The following MAST4 variants were observed in gnomAD, a reference collection of about 807,000 sequenced individuals.
MAST4 encodes the protein microtubule associated serine/threonine kinase family member 4, also known as microtubule-associated serine/threonine-protein kinase 4.
MAST4 carries 89 observed loss-of-function variants against 162.7 expected under a neutral mutation model. The observed-to-expected ratio is 0.55, with a 90% CI of 0.46 to 0.65. The LOEUF (loss-of-function observed/expected upper bound fraction) is 0.65, where lower values mean the gene tolerates loss of function less well. MAST4 is among the 30% of genes least tolerant of loss of function. The pLI is 0.00. For missense variants in MAST4, 3,153 were observed against 3,374.0 expected (o/e 0.93, Z 1.62); for synonymous variants, 1,479 against 1,361.1 (o/e 1.09, Z -1.91).
chr5:67,049,514 G>A (rs769178165), intron 4 of MAST4, among the ~76,000 whole-genome samples: 6 of 152,054 alleles, frequency 3.9e-5, no homozygotes, highest in African/African-American at 7.2e-5. Flanking sequence ...TTCTCTAAAG[G>A]TGTGAGGAAA....
At chr5:67,074,969 C>G (rs1405713696) in intron 5 of MAST4, among the ~76,000 whole-genome samples, 4 of 152,144 alleles carry the variant, frequency 2.6e-5, no homozygotes, top group African/African-American at 9.7e-5. Context: ...CAGTCTAAAA[C>G]AGTTAAACAG....
chr5:67,134,602 T>C lies in MAST4; in HGVS notation c.2306T>C (p.Met769Thr). ...GYGKPVDWWA[M>T]GIILYEFLVG... ...GGAAAGCCGGTGGACTGGTGGGCCA[T>C]GGGGATTATCCTCTATGAATTTCTG... Residue 769 changes from methionine to threonine, a missense_variant, in exon 18 of 29, where the codon ATG (methionine) becomes ACG (threonine). Met to Thr is a moderately conservative substitution (Grantham distance 81). Around this residue, in one of 7 missense-constraint regions of MAST4, gnomAD observed 131 missense variants for 253.8 expected, o/e 0.52. Coordinates refer to ENST00000403625, the MANE Select transcript of MAST4 (RefSeq NM_001164664.2). The C allele has an allele frequency of 1.2e-6, 2 of 1,613,708 alleles. No individual in the cohort carries two copies. Among genetic ancestry groups the C allele is most frequent in the East Asian group, 2.2e-5 (1 of 44,874 alleles).
chr5:67,004,265 G>C (rs1428960169), intron 4 of MAST4, among the ~76,000 whole-genome samples: 1 of 152,078 alleles, frequency 6.6e-6, no homozygotes, highest in Non-Finnish European at 1.5e-5. Flanking sequence ...GGGGCTGGTG[G>C]GGGGTGGGGG....
intron 4 of MAST4, among the ~76,000 whole-genome samples, chr5:66,907,073 C>T (rs568417615): frequency 1.3e-5 from 2 of 151,088 alleles, no homozygotes; most frequent in Admixed American, 6.6e-5. Flanking sequence ...ATCACACGAC[C>T]AGGAAAGATT....
At chr5:67,101,203 C>G (rs1764990595) in intron 8 of MAST4, among the ~76,000 whole-genome samples, 1 of 152,164 alleles carries the variant, frequency 6.6e-6, no homozygotes, top group South Asian at 2.1e-4. Flanking sequence ...GAAATTAGCA[C>G]CTGTGGGAGG....
chr5:67,085,413 T>A (rs1409465541), intron 5 of MAST4, among the ~76,000 whole-genome samples: 1 of 152,210 alleles, frequency 6.6e-6, no homozygotes, highest in Admixed American at 6.5e-5. Flanking sequence ...AGGCTCTTTC[T>A]AAAACGTAAA....
intron 4 of MAST4, among the ~76,000 whole-genome samples, chr5:66,901,853 T>C (rs1302958889): frequency 8.5e-5 from 13 of 152,136 alleles, no homozygotes; most frequent in Non-Finnish European, 1.5e-5. Context: ...CTCAGCATTT[T>C]TAGTGAATAC....
At chr5:67,098,567 A>T (rs1764694108) in intron 7 of MAST4, among the ~76,000 whole-genome samples, 1 of 152,180 alleles carries the variant, frequency 6.6e-6, no homozygotes, top group Admixed American at 6.5e-5. Context: ...TAAAAAGTAG[A>T]AACTTGTATG....
intron 8 of MAST4, among the ~76,000 whole-genome samples, chr5:67,101,040 A>C (rs1374112855): frequency 6.6e-6 from 1 of 152,170 alleles, no homozygotes; most frequent in Admixed American, 6.5e-5. Context: ...CTGTGAACAC[A>C]TTTTTAGGAG....
At chr5:66,942,027 A>G (rs1743426416) in intron 4 of MAST4, among the ~76,000 whole-genome samples, 1 of 152,158 alleles carries the variant, frequency 6.6e-6, no homozygotes, top group African/African-American at 2.4e-5. Context: ...ATCATTGATC[A>G]TAGATTATCA....
intron 23 of MAST4, among the ~76,000 whole-genome samples, chr5:67,146,186 G>A (rs1771062031): frequency 6.6e-6 from 1 of 152,186 alleles, no homozygotes; most frequent in Non-Finnish European, 1.5e-5. Flanking sequence ...GGGGGCTTGG[G>A]CCTTTGAAAG....
chr5:66,804,147 C>G (rs1311576815), intron 3 of MAST4, among the ~76,000 whole-genome samples: 1 of 152,042 alleles, frequency 6.6e-6, no homozygotes, highest in Non-Finnish European at 1.5e-5. Flanking sequence ...TAGGATTTTT[C>G]TGTGTTTACA....
intron 12 of MAST4, among the ~76,000 whole-genome samples, chr5:67,115,333 A>C (rs1766768762): frequency 6.6e-6 from 1 of 152,210 alleles, no homozygotes; most frequent in Non-Finnish European, 1.5e-5. Context: ...TTATCTTGTT[A>C]AATTGTTTGT....
intron 1 of MAST4, among the ~76,000 whole-genome samples, chr5:66,688,888 G>C (rs755345449): frequency 9.9e-5 from 15 of 152,192 alleles, no homozygotes; most frequent in Middle Eastern, 3.4e-3. Context: ...AGTATGTTGG[G>C]ACCAGGGATG....
At chr5:66,682,259 C>T (rs1346555222) in intron 1 of MAST4, among the ~76,000 whole-genome samples, 1 of 152,196 alleles carries the variant, frequency 6.6e-6, no homozygotes. Flanking sequence ...TGGTTGGTGC[C>T]TGAACTGCAG....
chr5:66,847,830 AAAAAAAAAAAAAAG>A (rs1408934243), intron 3 of MAST4, among the ~76,000 whole-genome samples: 1 of 150,824 alleles, frequency 6.6e-6, no homozygotes, highest in African/African-American at 2.4e-5. Context: ...CAAAAAAAAA[AAAAAAAAAAAAAAG>A]AAAAACCTTA....
At chr5:66,640,202 A>G (rs1290645240) in intron 1 of MAST4, among the ~76,000 whole-genome samples, 1 of 152,146 alleles carries the variant, frequency 6.6e-6, no homozygotes, top group African/African-American at 2.4e-5. Context: ...TTCATTTAGC[A>G]TAATGTCCTC....
chr5:66,629,434 T>A (rs9716826), intron 1 of MAST4, among the ~76,000 whole-genome samples: 63,883 of 151,704 alleles, frequency 0.42, 14,402 homozygotes, highest in East Asian at 0.57. Flanking sequence ...TTTCTTTCCA[T>A]TCCCTGCTGT....
At chr5:66,907,587 C>CATGTGTGT (rs1285513539) in intron 4 of MAST4, among the ~76,000 whole-genome samples, 7 of 144,140 alleles carry the variant, frequency 4.9e-5, no homozygotes, top group African/African-American at 7.8e-5. Flanking sequence ...TAGGTTGATG[C>CATGTGTGT]GTGTGTGTGT....
Sources: allele counts gnomAD v4.1 joint callset (sites outside exome capture counted in the v4.1 genomes callset), GRCh38; gene constraint gnomAD v4.1.1; regional missense constraint gnomAD v4.1.1; transcripts MANE v1.5; gene names NCBI Gene and HGNC (gene_info 2026-07-23, HGNC 2026-07-21).